Variants in MICU2 observed in about 807,000 individuals in gnomAD.
MICU2 encodes mitochondrial calcium uptake 2.
Under a neutral mutation model 60.4 loss-of-function variants are expected in MICU2, and 64 were observed. The ratio of observed to expected loss-of-function variants is 1.06; its 90% CI spans 0.87 to 1.31. MICU2 has a LOEUF of 1.31. Among genes scored for constraint, MICU2 ranks in the 50% most tolerant of loss-of-function variants. The probability of loss-of-function intolerance (pLI) is 0.00; values close to 1 mark genes in which losing one functional copy is unlikely to be tolerated. For missense variants in MICU2, 569 were observed against 531.0 expected (o/e 1.07, Z -0.70); for synonymous variants, 201 against 175.0 (o/e 1.15, Z -1.17).
intron 4 of MICU2, among the ~76,000 whole-genome samples, chr13:21,537,174 G>A (rs1887150596): frequency 6.6e-6 from 1 of 151,662 alleles, no homozygotes; most frequent in South Asian, 2.1e-4. Context: ...TATTGTCTCT[G>A]CTTAAACTCC....
intron 4 of MICU2, among the ~76,000 whole-genome samples, chr13:21,534,072 A>G (rs1052912758): frequency 4.0e-5 from 6 of 151,524 alleles, no homozygotes; most frequent in Non-Finnish European, 2.9e-5. Flanking sequence ...TGGGCGTGAG[A>G]CTGTCTAAAA....
At chr13:21,510,793 G>A (rs1351775282) in intron 7 of MICU2, among the ~76,000 whole-genome samples, 1 of 151,942 alleles carries the variant, frequency 6.6e-6, no homozygotes, top group Non-Finnish European at 1.5e-5. Flanking sequence ...TCAGATTACT[G>A]CCTTAGGAGG....
intron 1 of MICU2, among the ~76,000 whole-genome samples, chr13:21,573,374 T>C (rs2096263): frequency 0.34 from 51,821 of 151,862 alleles, 9,297 homozygotes; most frequent in South Asian, 0.4. Context: ...CCTGGGTTCA[T>C]GCCATTCTCC....
chr13:21,524,872 A>T (rs1433679220), intron 4 of MICU2, among the ~76,000 whole-genome samples: 2 of 152,098 alleles, frequency 1.3e-5, no homozygotes, highest in East Asian at 3.9e-4. Context: ...ATCATACGAT[A>T]TTTGTCCTTT....
chr13:21,526,844 A>G (rs1434350572), intron 4 of MICU2, among the ~76,000 whole-genome samples: 1 of 151,868 alleles, frequency 6.6e-6, no homozygotes, highest in Non-Finnish European at 1.5e-5. Context: ...TTCGGACAGG[A>G]AGAATAAAGA....
At position 21,539,162 on chromosome 13, in the gene MICU2, T is replaced by A. The variant is rs1040499865; in HGVS notation, c.466+140A>T. On this transcript the variant is annotated intron_variant, in intron 4 of 11. Coordinates refer to ENST00000382374, the MANE Select transcript of MICU2 (RefSeq NM_152726.3). ...AATTTATCTGTAATTGCTCAAAGAC[T>A]TTGAAAAAGTTACCTCCTTACTTCA... 8 of 678,730 alleles carry A rather than the reference T, an allele frequency of 1.2e-5. No homozygotes were observed. The African/African-American group carries it at 1.5e-4, about 12-fold the overall frequency. The allele number at this position is 678,730 out of a possible 1,614,324, so 42.0% of individuals were successfully genotyped here. A position where few individuals can be genotyped will look rare whatever the true frequency, so the allele number is the denominator to read the frequency against.
chr13:21,534,031 T>C (rs987274397), intron 4 of MICU2, among the ~76,000 whole-genome samples: 1 of 150,618 alleles, frequency 6.6e-6, no homozygotes, highest in Non-Finnish European at 1.5e-5. Flanking sequence ...GAGGTTGCAG[T>C]GAGCCAAGAT....
intron 2 of MICU2, among the ~76,000 whole-genome samples, chr13:21,562,018 A>G (rs371733202): frequency 6.6e-5 from 10 of 150,832 alleles, no homozygotes; most frequent in African/African-American, 2.2e-4. Flanking sequence ...AATTTCATCC[A>G]TGTCCCTACA....
rs1382188604 is a variant in MICU2 at position 21,510,077 on chromosome 13, T to C, written c.688A>G (p.Ile230Val). Residue 230 changes from isoleucine to valine, a missense_variant, in exon 8 of 12, where the codon ATT becomes GTT. By Grantham distance (29) the Ile-to-Val change is conservative. Transcript: ENST00000382374. ...AAACGCATCTGAAGAGTTGTGTTAA[T>C]TTCAGGTTCTTTCACTATTGCTTCC... ...YQEAIVKEPE[I>V]NTTLQMRFFG... 1 of 1,507,360 alleles carries C rather than the reference T, an allele frequency of 6.6e-7. No homozygotes were observed. Among genetic ancestry groups the C allele is most frequent in the East Asian group, 2.5e-5 (1 of 39,790 alleles). The allele number at this position is 1,507,360 out of a possible 1,614,324, so 93.4% of individuals were successfully genotyped here.
At chr13:21,517,781 ACACACACACACACACACACGCG>A (rs1886607211) in intron 6 of MICU2, among the ~76,000 whole-genome samples, 1 of 92,172 alleles carries the variant, frequency 1.1e-5, no homozygotes, top group African/African-American at 4.1e-5. Context: ...ACACACACAC[ACACACACACACACACACACGCG>A]CGCGCGCGCG....
At chr13:21,593,335 T>G (rs546422600) in intron 1 of MICU2, among the ~76,000 whole-genome samples, 3 of 152,040 alleles carry the variant, frequency 2.0e-5, no homozygotes, top group East Asian at 3.9e-4. Context: ...CAAGAAGAAC[T>G]ACAAACCACT....
chr13:21,496,659 A>G (rs1347862428), intron 9 of MICU2: 1 of 152,934 alleles, frequency 6.5e-6, no homozygotes, highest in African/African-American at 2.4e-5. Flanking sequence ...AGTCTTAGGT[A>G]AGTAACGCTT....
intron 1 of MICU2, among the ~76,000 whole-genome samples, chr13:21,573,418 G>A (rs1251694809): frequency 2.0e-5 from 3 of 152,042 alleles, no homozygotes; most frequent in African/African-American, 4.8e-5. Context: ...GACTACAGGC[G>A]CCCGCCACCA....
rs765062794 is a variant in MICU2, at chr13:21,514,407, G to C, written c.609C>G (p.Ile203Met). Reference protein sequence around the residue: ...EKREFFKLQKIISKQDDLMTV... With the variant: ...EKREFFKLQKMISKQDDLMTV... ...TCATCAAGTCATCTTGTTTACTTAT[G>C]ATCTTCTGCAGCTAAAAAGATTACA... Residue 203 changes from isoleucine (I) to methionine (M), a missense_variant, in exon 7 of 12, where the codon ATC becomes ATG. Physicochemically the swap from Ile to Met is conservative, Grantham distance 10. Transcript: ENST00000382374. 2 of 1,613,140 alleles carry C rather than the reference G, an allele frequency of 1.2e-6. No individual in the cohort carries two copies. The highest frequency in any genetic ancestry group is 1.7e-6 in the Non-Finnish European group (2 of 1,179,512).
At chr13:21,495,084 G>A in intron 11 of MICU2, 77 bp downstream of exon 11, 1 of 1,179,982 alleles carries the variant, frequency 8.5e-7, no homozygotes. Flanking sequence ...TTTAAAGACT[G>A]TACAATTGCC....
intron 1 of MICU2, among the ~76,000 whole-genome samples, chr13:21,568,844 G>GTTTT (rs11370071): frequency 6.7e-6 from 1 of 150,332 alleles, no homozygotes; most frequent in Non-Finnish European, 1.5e-5. Context: ...AAGAAATTCT[G>GTTTT]TTTTTTTTTT....
chr13:21,566,124 T>C (rs1887975200), intron 2 of MICU2, among the ~76,000 whole-genome samples: 1 of 152,178 alleles, frequency 6.6e-6, no homozygotes, highest in Admixed American at 6.5e-5. Context: ...TCCCATGTTC[T>C]CTCAGCCTTT....
At chr13:21,537,474 T>TTC (rs1887160193) in intron 4 of MICU2, among the ~76,000 whole-genome samples, 1 of 149,818 alleles carries the variant, frequency 6.7e-6, no homozygotes, top group South Asian at 2.1e-4. Context: ...TCTTTCTTTT[T>TTC]TTTTTTTTTT....
intron 1 of MICU2, among the ~76,000 whole-genome samples, chr13:21,601,116 T>A (rs1035448246): frequency 6.6e-6 from 1 of 152,102 alleles, no homozygotes; most frequent in East Asian, 1.9e-4. Flanking sequence ...ACTATTATTA[T>A]AGGGCCGCGT....
Sources: allele counts gnomAD v4.1 joint callset (sites outside exome capture counted in the v4.1 genomes callset), GRCh38; gene constraint gnomAD v4.1.1; transcripts MANE v1.5; gene names NCBI Gene and HGNC (gene_info 2026-07-23, HGNC 2026-07-21).